Variants in GUCY2D observed in about 807,000 individuals in gnomAD.
The protein encoded by GUCY2D is retinal guanylyl cyclase 1.
GUCY2D carries 70 observed loss-of-function variants against 101.3 expected under a neutral mutation model. That is an observed-to-expected ratio of 0.69 (90% CI 0.57 to 0.84). GUCY2D has a LOEUF of 0.84. GUCY2D is among the 40% of genes least tolerant of loss of function. The pLI is 0.00. For missense variants in GUCY2D, 1,460 were observed against 1,542.5 expected, an observed-to-expected ratio of 0.95 and a Z score of 0.90; for synonymous variants, 688 against 670.7, an observed-to-expected ratio of 1.03 and a Z score of -0.40.
chr17:8,002,903 C>T lies in GUCY2D; in HGVS notation c.-9-136C>T. 1.5e-6 allele frequency: 1 copy of T among 669,332 alleles called. No individual in the cohort carries two copies. The highest frequency in any genetic ancestry group is 1.9e-5 in the African/African-American group (1 of 52,412). The allele number at this position is 669,332 out of a possible 1,614,324, so 41.5% of individuals were successfully genotyped here. On this transcript the variant is annotated intron_variant, in intron 1 of 19. Transcript: ENST00000254854. This position sits in a 1 kb window ranked among gnomAD's most constrained non-coding sequence, Gnocchi z 4.9. ...GGTGTCCTTGGCCCCAGTTAGTCTT[C>T]CCAGCCTCCGGAGGGGGCGGTAGCA...
chr17:8,013,104 C>T lies in GUCY2D; in HGVS notation c.2115C>T (p.Asp705=), dbSNP rs915140006. 1.9e-6 allele frequency: 3 copies of T among 1,611,834 alleles called. No individual in the cohort carries two copies. The highest frequency in any genetic ancestry group is 2.5e-6 in the Non-Finnish European group (3 of 1,179,488). Reference sequence around the variant, plus strand: ...CCTCAGCCCCTTCCCCATCCCCAGACCAGCTGTGGACAGCCCCGGAGCTGC... The same window carrying T: ...CCTCAGCCCCTTCCCCATCCCCAGATCAGCTGTGGACAGCCCCGGAGCTGC... ...KVLPEPPRAE[D]QLWTAPELLR... The change falls in exon 11 of 20, where the codon GAC becomes GAT. Residue 705 remains aspartate (D), a splice_region_variant and synonymous_variant. Coordinates refer to ENST00000254854, the MANE Select transcript of GUCY2D (RefSeq NM_000180.4). This position sits in a 1 kb window ranked among gnomAD's most constrained non-coding sequence, Gnocchi z 5.0.
At chr17:8,012,849 G>A (rs1975883547) in intron 10 of GUCY2D, among the ~76,000 whole-genome samples, 1 of 152,256 alleles carries the variant, frequency 6.6e-6, no homozygotes, top group South Asian at 2.1e-4. Flanking sequence ...CTGATTACAA[G>A]TTTGCCTGAG....
chr17:8,007,343 C>T (rs1975764994), intron 5 of GUCY2D, 83 bp from the exon 6 acceptor site: 8 of 1,036,410 alleles, frequency 7.7e-6, no homozygotes, highest in Non-Finnish European at 1.2e-5. Flanking sequence ...CCTGAGCCAA[C>T]GTTATCCCTC....
chr17:8,003,485 G>T lies in GUCY2D; in HGVS notation c.438G>T (p.Ala146=), dbSNP rs765243245. ...TGCTCGCCGAAGAAGCCGGGATCGC[G>T]CTGGTGCCCTGGGGCTGCCCCTGGA... ...AELLAEEAGI[A]LVPWGCPWTQ... Residue 146 remains alanine, a synonymous_variant, in exon 2 of 20, where the codon GCG becomes GCT. Coordinates refer to ENST00000254854, the MANE Select transcript of GUCY2D (RefSeq NM_000180.4). 1 of 1,527,628 alleles carries T rather than the reference G, an allele frequency of 6.5e-7. No individual in the cohort carries two copies. The highest frequency in any genetic ancestry group is 8.7e-7 in the Non-Finnish European group (1 of 1,143,664). The allele number at this position is 1,527,628 out of a possible 1,614,324, so 94.6% of individuals were successfully genotyped here.
Position 8,007,072 on chromosome 17 carries a change from G to A in GUCY2D, c.1391G>A (p.Gly464Asp), listed in dbSNP as rs1253873238. ...ACTGTCCCTTCAGGACTGGAGCCGG[G>A]CCTCGTCTTTCTTGGCTTCCTCCTG... ...NNICGGGLEP[G>D]LVFLGFLLVV... Residue 464 changes from glycine (G) to aspartate (D), a missense_variant, in exon 5 of 20, where the codon GGC becomes GAC. Coordinates refer to ENST00000254854, the MANE Select transcript of GUCY2D (RefSeq NM_000180.4). 1.3e-5 allele frequency: 21 copies of A among 1,613,904 alleles called. No individual in the cohort carries two copies. Among genetic ancestry groups the A allele is most frequent in the Non-Finnish European group, 1.2e-5 (14 of 1,179,882 alleles).
chr17:8,009,431 G>T, intron 7 of GUCY2D, 75 bp from the exon 8 acceptor site: 1 of 906,034 alleles, frequency 1.1e-6, no homozygotes, highest in African/African-American at 1.6e-5. Context: ...TGGAAATGAG[G>T]GGGAGGGGTT....
rs749863195 is a variant in GUCY2D at position 8,015,501 on chromosome 17, G to A, written c.2943G>A (p.Ser981=). ...TGCGCATCCGCATAGGCCTGCACTCGGGTAACTCCCGGGTCTTCCCAGGCT... is the reference window on the plus strand; with the variant it reads ...TGCGCATCCGCATAGGCCTGCACTCAGGTAACTCCCGGGTCTTCCCAGGCT... ...VPVRIRIGLH[S]GPCVAGVVGL... is the part of the protein sequence containing the mutation. The change falls in exon 15 of 20, where the codon TCG becomes TCA. Residue 981 remains serine, a splice_region_variant and synonymous_variant. Coordinates refer to ENST00000254854, the MANE Select transcript of GUCY2D (RefSeq NM_000180.4). 7 of 1,609,920 alleles carry A rather than the reference G, an allele frequency of 4.3e-6. No homozygotes were observed. In the Admixed American group the frequency reaches 1.2e-4, roughly 27 times the overall value.
chr17:8,015,780 G>A lies in GUCY2D; in HGVS notation c.2982G>A (p.Pro994=), dbSNP rs945914237. 1.2e-6 allele frequency: 2 copies of A among 1,612,282 alleles called. No individual in the cohort carries two copies. The highest frequency in any genetic ancestry group is 1.1e-5 in the South Asian group (1 of 90,854). ...CAGGCGTGGTGGGCCTCACCATGCC[G>A]CGGTACTGCCTGTTTGGGGACACGG... ...CVAGVVGLTM[P]RYCLFGDTVN... The change falls in exon 16 of 20, where the codon CCG becomes CCA. Residue 994 remains proline (P), a synonymous_variant. Transcript: ENST00000254854.
chr17:8,013,147 G>A lies in GUCY2D; in HGVS notation c.2158G>A (p.Glu720Lys). ...APELLRDPAL[E>K]RRGTLAGDVF... ...GGAGCTGCTTAGGGACCCAGCCCTG[G>A]AGCGCCGGGGAACGCTGGCCGGCGA... is the stretch of plus-strand genomic sequence containing the variant. The change falls in exon 11 of 20, where the codon GAG becomes AAG. Residue 720 changes from glutamate to lysine, a missense_variant. Coordinates refer to ENST00000254854, the MANE Select transcript of GUCY2D (RefSeq NM_000180.4). The surrounding 1 kb of genome is among the most constrained non-coding windows in gnomAD (Gnocchi z 5.0). 2 of 1,613,788 alleles carry A rather than the reference G, an allele frequency of 1.2e-6. No individual in the cohort carries two copies. Among genetic ancestry groups the A allele is most frequent in the Non-Finnish European group, 1.7e-6 (2 of 1,179,950 alleles).
chr17:8,006,271 A>G (rs1013456484), intron 3 of GUCY2D, 92 bp from the exon 4 acceptor site: 85 of 938,236 alleles, frequency 9.1e-5, no homozygotes, highest in South Asian at 2.7e-5. Flanking sequence ...AGGTGGCAAC[A>G]GTGGATACCC....
chr17:8,016,396 C>T, intron 18 of GUCY2D, 47 bp from the exon 19 acceptor site: 1 of 1,452,090 alleles, frequency 6.9e-7, no homozygotes, highest in Non-Finnish European at 9.4e-7. Context: ...GCCCTGCCCT[C>T]CCACGCCCCA....
At position 8,006,500 on chromosome 17, in the gene GUCY2D, T is replaced by C; in HGVS notation, c.1164T>C (p.Pro388=). Residue 388 remains proline (P), a synonymous_variant, in exon 4 of 20, where the codon CCT becomes CCC. Transcript: ENST00000254854. ...VARHIRDAQV[P]GFCGDLGGDE... ...GCCACATCCGGGATGCGCAGGTCCC[T>C]GGCTTCTGCGGGGACCTAGGAGGAG... 1.2e-6 allele frequency: 2 copies of C among 1,609,082 alleles called. No individual in the cohort carries two copies. Among genetic ancestry groups the C allele is most frequent in the Non-Finnish European group, 1.7e-6 (2 of 1,179,954 alleles).
rs1361484324 is a variant in GUCY2D, at chr17:8,014,411, C to T, written c.2413-190C>T. ...GACCTCTGGGAACCCTCATTTCCCA[C>T]GTGCCTCCTAATCGTGTCTGAAAAC... is the stretch of plus-strand genomic sequence containing the variant. On this transcript the variant is annotated intron_variant, in intron 12 of 19. Transcript: ENST00000254854. The surrounding 1 kb of genome is among the most constrained non-coding windows in gnomAD (Gnocchi z 4.0). The T allele has an allele frequency of 4.8e-5, 32 of 661,050 alleles. No homozygotes were observed. Among genetic ancestry groups the T allele is most frequent in the Middle Eastern group, 3.9e-4 (1 of 2,558 alleles). The allele number at this position is 661,050 out of a possible 1,614,324, so 40.9% of individuals were successfully genotyped here.
intron 7 of GUCY2D, among the ~76,000 whole-genome samples, chr17:8,008,236 G>A (rs531091295): frequency 9.8e-5 from 15 of 152,314 alleles, no homozygotes; most frequent in African/African-American, 3.6e-4. Context: ...CCCTCCCCAA[G>A]GATTTTTCTC....
At chr17:8,006,285 G>A (rs1975735262) in intron 3 of GUCY2D, 78 bp from the exon 4 acceptor site, 1 of 1,101,394 alleles carries the variant, frequency 9.1e-7, no homozygotes, top group Admixed American at 1.9e-5. Context: ...GATACCCTGG[G>A]CTTGACAGGC....
At position 8,003,727 on chromosome 17, in the gene GUCY2D, G is replaced by A. The variant is rs770873775; in HGVS notation, c.680G>A (p.Arg227Gln). Residue 227 changes from arginine (R) to glutamine (Q), a missense_variant, in exon 2 of 20, where the codon CGG becomes CAG. Around this residue, in one of 3 missense-constraint regions of GUCY2D, gnomAD observed 1,196 missense variants for 1,229.6 expected, o/e 0.97. Transcript: ENST00000254854. ...GAGCCCTTGGACCTGTCTGGAGCCC[G>A]GGAGGCCCTGAGGAAGGTTCGGGAC... ...SMEPLDLSGAREALRKVRDGP... is the reference protein window; with the variant it reads ...SMEPLDLSGAQEALRKVRDGP... 2.5e-6 allele frequency: 4 copies of A among 1,598,384 alleles called. No homozygotes were observed. The highest frequency in any genetic ancestry group is 4.5e-5 in the East Asian group (2 of 44,880).
At chr17:8,016,099 C>A in intron 17 of GUCY2D, 78 bp downstream of exon 17, 3 of 1,387,056 alleles carry the variant, frequency 2.2e-6, no homozygotes, top group Non-Finnish European at 2.0e-6. Context: ...CGGCTGCAAA[C>A]CTCAGCTCAC....
chr17:8,006,673 A>AC lies in GUCY2D; in HGVS notation c.1341dup (p.Ser448LeufsTer109). The stretch of plus-strand genomic sequence containing the variant: ...CGTGGGGGATCAGCACCCGGACCTG[A>AC]CCCCTCGTGCTGGTTCGATCCAAAC... On this transcript the variant is annotated frameshift_variant, in exon 4 of 20. Transcript: ENST00000254854. LOFTEE classifies it high-confidence loss of function. 1.2e-6 allele frequency: 2 copies of AC among 1,611,328 alleles called. No individual in the cohort carries two copies. The highest frequency in any genetic ancestry group is 1.7e-6 in the Non-Finnish European group (2 of 1,178,894).
Position 8,013,992 on chromosome 17 carries a change from G to C in GUCY2D, c.2376G>C (p.Pro792=), listed in dbSNP as rs770484034. The part of the protein sequence containing the change: ...LLMKQCWAEQ[P]ELRPSMDHTF... ...TGAAGCAGTGCTGGGCAGAGCAGCC[G>C]GAACTTCGGCCCTCCATGGACCACA... The change falls in exon 12 of 20, where the codon CCG becomes CCC. Residue 792 remains proline (P), a synonymous_variant. Coordinates refer to ENST00000254854, the MANE Select transcript of GUCY2D (RefSeq NM_000180.4). The surrounding 1 kb of genome is among the most constrained non-coding windows in gnomAD (Gnocchi z 5.0). 37 of 1,613,568 alleles carry C rather than the reference G, an allele frequency of 2.3e-5. No individual in the cohort carries two copies. Among genetic ancestry groups the C allele is most frequent in the Non-Finnish European group, 3.1e-5 (37 of 1,179,886 alleles).
Sources: allele counts gnomAD v4.1 joint callset (sites outside exome capture counted in the v4.1 genomes callset), GRCh38; gene constraint gnomAD v4.1.1; regional missense constraint gnomAD v4.1.1; non-coding constraint Gnocchi (gnomAD v3.1); transcripts MANE v1.5; gene names NCBI Gene and HGNC (gene_info 2026-07-23, HGNC 2026-07-21).